Variants in NAA35 observed in about 807,000 individuals in gnomAD.
The protein encoded by NAA35 is N-alpha-acetyltransferase 35, NatC auxiliary subunit.
In NAA35, 18 loss-of-function variants were observed where a neutral mutation model predicts 101.7. That is an observed-to-expected ratio of 0.18 (90% CI 0.12 to 0.26). The LOEUF (loss-of-function observed/expected upper bound fraction) is 0.26, where lower values mean the gene tolerates loss of function less well. NAA35 is among the 10% of genes least tolerant of loss of function. The pLI is 1.00. For synonymous variants in NAA35, 267 were observed against 273.1 expected, an observed-to-expected ratio of 0.98 and a Z score of 0.22; for missense variants, 601 against 886.8, an observed-to-expected ratio of 0.68 and a Z score of 4.09.
At chr9:85,991,787 G>A (rs775788081) in intron 11 of NAA35, among the ~76,000 whole-genome samples, 22 of 152,132 alleles carry the variant, frequency 1.4e-4, no homozygotes, top group Non-Finnish European at 2.9e-4. Context: ...ATTTGGGAAA[G>A]GGATCTTTAT....
At chr9:86,010,306 C>G (rs1331703730) in intron 15 of NAA35, among the ~76,000 whole-genome samples, 1 of 151,796 alleles carries the variant, frequency 6.6e-6, no homozygotes, top group Non-Finnish European at 1.5e-5. Flanking sequence ...AGTGTCTGTG[C>G]TTTTTTTCAT....
intron 15 of NAA35, among the ~76,000 whole-genome samples, chr9:86,012,383 CA>C (rs1831983339): frequency 6.6e-6 from 1 of 152,138 alleles, no homozygotes; most frequent in African/African-American, 2.4e-5. Flanking sequence ...GCTGGGATTA[CA>C]GGGGTGAGCC....
At chr9:85,987,690 G>A (rs769378301) in intron 11 of NAA35, among the ~76,000 whole-genome samples, 1 of 152,232 alleles carries the variant, frequency 6.6e-6, no homozygotes, top group Non-Finnish European at 1.5e-5. Flanking sequence ...AAATCTGTAA[G>A]GAATATGAGA....
chr9:85,992,401 T>C (rs1029333759), intron 11 of NAA35, among the ~76,000 whole-genome samples: 1 of 152,064 alleles, frequency 6.6e-6, no homozygotes, highest in African/African-American at 2.4e-5. Flanking sequence ...TTTATATGAG[T>C]GTCCCCCCAA....
rs369218327 is a variant in NAA35 at position 85,979,478 on chromosome 9, C to G, written c.877+1097C>G. Among the ~76,000 whole-genome samples, 3 of 152,290 alleles carry G rather than the reference C, an allele frequency of 2.0e-5. No individual in the cohort carries two copies. The East Asian group carries it at 5.8e-4, about 29-fold the overall frequency. On this transcript the variant is annotated intron_variant, in intron 11 of 22. Transcript: ENST00000361671. ...AAGCATGCCAGGGCAAATATTTAGG[C>G]TAAATTCTGGGAGCTAAGAACATAA...
intron 11 of NAA35, among the ~76,000 whole-genome samples, chr9:85,987,382 A>G (rs1014222692): frequency 5.3e-5 from 8 of 152,242 alleles, no homozygotes; most frequent in Non-Finnish European, 1.0e-4. Flanking sequence ...TGCCAAAGAC[A>G]AAACTATGCT....
chr9:85,970,514 T>C (rs1829956166), intron 6 of NAA35, among the ~76,000 whole-genome samples: 1 of 152,166 alleles, frequency 6.6e-6, no homozygotes, highest in East Asian at 1.9e-4. Context: ...CCATTAGTAA[T>C]TGGACAGATT....
intron 2 of NAA35, among the ~76,000 whole-genome samples, chr9:85,950,851 G>C (rs1004568305): frequency 6.6e-6 from 1 of 152,072 alleles, no homozygotes; most frequent in African/African-American, 2.4e-5. Flanking sequence ...TAAAAATGAT[G>C]ATGGGCCGGG....
intron 18 of NAA35, 23 bp downstream of exon 18, chr9:86,016,698 T>C (rs1832243952): frequency 6.2e-7 from 1 of 1,602,408 alleles, no homozygotes; most frequent in African/African-American, 1.3e-5. Flanking sequence ...ATTTTTAAAC[T>C]TAAGAACAGA....
chr9:85,992,018 CA>C (rs1180500925), intron 11 of NAA35, among the ~76,000 whole-genome samples: 1 of 151,644 alleles, frequency 6.6e-6, no homozygotes, highest in East Asian at 1.9e-4. Flanking sequence ...ACTAAAACTA[CA>C]AAAAAACAGC....
At chr9:86,012,986 A>C in intron 15 of NAA35, 60 bp from the exon 16 acceptor site, 1 of 1,168,320 alleles carries the variant, frequency 8.6e-7, no homozygotes, top group South Asian at 2.2e-5. Context: ...TGGAATGTTA[A>C]GTTTCTTTGG....
Position 85,965,610 on chromosome 9 carries a change from A to G in NAA35, c.516+3430A>G, listed in dbSNP as rs575567050. On this transcript the variant is annotated intron_variant, in intron 6 of 22. Transcript: ENST00000361671. ...TGCTATTTTACTCCAGTTTGTGTGC[A>G]GAGTGAGACCCTGTCTCAAAAAAAG... Among the ~76,000 whole-genome samples, 7 of 152,142 alleles carry G rather than the reference A, an allele frequency of 4.6e-5. No homozygotes were observed. The South Asian group carries it at 1.5e-3, about 32-fold the overall frequency.
Position 85,978,360 on chromosome 9 carries a change from C to G in NAA35, c.856C>G (p.Gln286Glu). 9 of 1,605,814 alleles carry G rather than the reference C, an allele frequency of 5.6e-6. No individual in the cohort carries two copies. Among genetic ancestry groups the G allele is most frequent in the Non-Finnish European group, 7.7e-6 (9 of 1,172,662 alleles). The part of the protein sequence containing the change: ...HNSLHHGIQA[Q>E]NDTTKGDHPI... ...TTCATTGCATCATGGCATCCAGGCC[C>G]AGAATGATACTACAAAAGGAGGTAA... The change falls in exon 11 of 23, where the codon CAG (glutamine) becomes GAG (glutamate). Residue 286 changes from glutamine to glutamate, a missense_variant. Around this residue, in one of 8 missense-constraint regions of NAA35, gnomAD observed 190 missense variants for 223.1 expected, o/e 0.85. Coordinates refer to ENST00000361671, the MANE Select transcript of NAA35 (RefSeq NM_024635.4).
intron 6 of NAA35, among the ~76,000 whole-genome samples, chr9:85,970,925 C>G (rs961174412): frequency 2.6e-5 from 4 of 152,198 alleles, no homozygotes; most frequent in Non-Finnish European, 4.4e-5. Context: ...TTGTCATTAT[C>G]ACAAGTGCTA....
chr9:85,983,460 G>GT (rs141746001), intron 11 of NAA35, among the ~76,000 whole-genome samples: 169 of 151,424 alleles, frequency 1.1e-3, no homozygotes, highest in Middle Eastern at 6.8e-3. Context: ...GCTCTTAATG[G>GT]TTTTTTTTTG....
At chr9:85,964,713 A>G (rs559359776) in intron 6 of NAA35, among the ~76,000 whole-genome samples, 3 of 152,308 alleles carry the variant, frequency 2.0e-5, no homozygotes, top group Admixed American at 2.0e-4. Context: ...TTACGATTAG[A>G]TTAAGATTGT....
chr9:85,970,586 A>G (rs530049346), intron 6 of NAA35, among the ~76,000 whole-genome samples: 2 of 152,196 alleles, frequency 1.3e-5, no homozygotes, highest in African/African-American at 2.4e-5. Flanking sequence ...TGGCATTCCT[A>G]TCAAATATGA....
At chr9:86,021,200 G>A (rs775981412) in intron 22 of NAA35, among the ~76,000 whole-genome samples, 3 of 152,130 alleles carry the variant, frequency 2.0e-5, no homozygotes, top group Non-Finnish European at 4.4e-5. Context: ...TCCTTGCTGT[G>A]TAAATTACTG....
At chr9:85,942,792 T>C (rs186701606) in intron 2 of NAA35, among the ~76,000 whole-genome samples, 1 of 152,288 alleles carries the variant, frequency 6.6e-6, no homozygotes, top group African/African-American at 2.4e-5. Context: ...TTTTATCTCT[T>C]CGTAATACAC....
Sources: allele counts gnomAD v4.1 joint callset (sites outside exome capture counted in the v4.1 genomes callset), GRCh38; gene constraint gnomAD v4.1.1; regional missense constraint gnomAD v4.1.1; transcripts MANE v1.5; gene names NCBI Gene and HGNC (gene_info 2026-07-23, HGNC 2026-07-21).